KCNH8: variants seen among roughly 807,000 people sequenced by gnomAD.
The protein encoded by KCNH8 is voltage-gated delayed rectifier potassium channel KCNH8.
A neutral mutation model predicts 103.6 loss-of-function variants in KCNH8; 70 were observed. That is an observed-to-expected ratio of 0.68 (90% CI 0.56 to 0.82). The LOEUF (loss-of-function observed/expected upper bound fraction) is 0.82. Ranked by LOEUF, KCNH8 falls within the 40% of genes least tolerant of loss-of-function variation. The probability of loss-of-function intolerance (pLI) is 0.00; values close to 1 mark genes in which losing one functional copy is unlikely to be tolerated. For missense variants in KCNH8, 1,217 were observed against 1,329.9 expected, an observed-to-expected ratio of 0.92 and a Z score of 1.32; for synonymous variants, 498 against 489.4, an observed-to-expected ratio of 1.02 and a Z score of -0.23.
intron 1 of KCNH8, among the ~76,000 whole-genome samples, chr3:19,242,945 T>C (rs1231147232): frequency 6.6e-6 from 1 of 152,166 alleles, no homozygotes; most frequent in African/African-American, 2.4e-5. Flanking sequence ...CCTCTAGCCA[T>C]CCTCCACTGA....
chr3:19,511,670 T>C (rs1359438095), intron 12 of KCNH8, among the ~76,000 whole-genome samples: 1 of 152,066 alleles, frequency 6.6e-6, no homozygotes, highest in African/African-American at 2.4e-5. Context: ...AGTAACATCA[T>C]GACTATCCCA....
intron 3 of KCNH8, among the ~76,000 whole-genome samples, chr3:19,304,138 C>T (rs1419713536): frequency 6.6e-6 from 1 of 152,150 alleles, no homozygotes; most frequent in African/African-American, 2.4e-5. Flanking sequence ...AGTCTATACC[C>T]TTTCAATAAG....
intron 7 of KCNH8, among the ~76,000 whole-genome samples, chr3:19,396,571 C>T (rs1039285775): frequency 1.3e-5 from 2 of 151,764 alleles, no homozygotes; most frequent in African/African-American, 4.8e-5. Flanking sequence ...TGTGGGTCCT[C>T]AATTCTAGGA....
At chr3:19,163,733 G>A (rs961879433) in intron 1 of KCNH8, among the ~76,000 whole-genome samples, 2 of 152,064 alleles carry the variant, frequency 1.3e-5, no homozygotes, top group Non-Finnish European at 2.9e-5. Flanking sequence ...CCTCCCATGA[G>A]ACAACAAGAC....
At chr3:19,393,163 T>C (rs1324271268) in intron 6 of KCNH8, among the ~76,000 whole-genome samples, 1 of 151,956 alleles carries the variant, frequency 6.6e-6, no homozygotes, top group East Asian at 1.9e-4. Context: ...CAGTGACAGA[T>C]TTGAAACAGC....
chr3:19,308,266 G>A (rs1203064833), intron 3 of KCNH8, among the ~76,000 whole-genome samples: 1 of 146,978 alleles, frequency 6.8e-6, no homozygotes, highest in South Asian at 2.1e-4. Flanking sequence ...CATAAAACAG[G>A]GAACAGGGAA....
intron 2 of KCNH8, among the ~76,000 whole-genome samples, chr3:19,263,119 T>A (rs1212322457): frequency 6.6e-6 from 1 of 152,040 alleles, no homozygotes; most frequent in African/African-American, 2.4e-5. Context: ...CTTAGATTCT[T>A]ACTTCTTTGG....
chr3:19,337,037 A>G (rs1014132436), intron 3 of KCNH8, among the ~76,000 whole-genome samples: 4 of 152,060 alleles, frequency 2.6e-5, no homozygotes, highest in African/African-American at 9.7e-5. Context: ...ACCCAACATG[A>G]TAACACAGAT....
intron 1 of KCNH8, among the ~76,000 whole-genome samples, chr3:19,245,603 A>G (rs138823237): frequency 8.1e-4 from 123 of 152,130 alleles, no homozygotes; most frequent in Non-Finnish European, 1.2e-4. Flanking sequence ...TTTTACATTT[A>G]TTTATATCAT....
At chr3:19,500,527 G>T (rs549400395) in intron 11 of KCNH8, among the ~76,000 whole-genome samples, 1 of 152,096 alleles carries the variant, frequency 6.6e-6, no homozygotes, top group Non-Finnish European at 1.5e-5. Flanking sequence ...CCACGTACTT[G>T]GAAGTAAAGC....
At chr3:19,206,382 C>G (rs1014170636) in intron 1 of KCNH8, among the ~76,000 whole-genome samples, 4 of 151,396 alleles carry the variant, frequency 2.6e-5, no homozygotes, top group African/African-American at 9.7e-5. Context: ...AAGTATCTGG[C>G]CTGCAAAAGC....
At chr3:19,302,657 A>G (rs1485387500) in intron 3 of KCNH8, among the ~76,000 whole-genome samples, 2 of 152,174 alleles carry the variant, frequency 1.3e-5, no homozygotes, top group South Asian at 2.1e-4. Flanking sequence ...GCCATTAGAA[A>G]GCCATCTAAT....
chr3:19,288,184 T>C (rs940104972), intron 3 of KCNH8, among the ~76,000 whole-genome samples: 2 of 134,492 alleles, frequency 1.5e-5, no homozygotes, highest in Admixed American at 7.2e-5. Context: ...CAAACTTCTT[T>C]TTTTTTTTTT....
At chr3:19,363,576 C>G (rs1489764590) in intron 5 of KCNH8, among the ~76,000 whole-genome samples, 2 of 152,112 alleles carry the variant, frequency 1.3e-5, no homozygotes, top group Admixed American at 6.6e-5. Context: ...AAACTTTTCT[C>G]CAAATCTCCT....
chr3:19,177,651 G>C (rs1041371466), intron 1 of KCNH8, among the ~76,000 whole-genome samples: 2 of 151,948 alleles, frequency 1.3e-5, no homozygotes, highest in South Asian at 2.1e-4. Context: ...CAGAGACAGA[G>C]AGTGAGAAAG....
intron 11 of KCNH8, among the ~76,000 whole-genome samples, chr3:19,493,815 C>T (rs1484842096): frequency 6.6e-6 from 1 of 152,048 alleles, no homozygotes; most frequent in Non-Finnish European, 1.5e-5. Flanking sequence ...TTACAAATTA[C>T]ATTAGTACAT....
At chr3:19,214,251 A>G (rs951902185) in intron 1 of KCNH8, among the ~76,000 whole-genome samples, 1 of 152,240 alleles carries the variant, frequency 6.6e-6, no homozygotes, top group African/African-American at 2.4e-5. Context: ...CACTTTTATC[A>G]GAGTTAATAA....
chr3:19,286,495 C>T (rs941101013), intron 3 of KCNH8, among the ~76,000 whole-genome samples: 10 of 152,168 alleles, frequency 6.6e-5, no homozygotes, highest in Non-Finnish European at 8.8e-5. Flanking sequence ...GAATCTCTAA[C>T]CACCAGAACT....
At chr3:19,374,848 T>C (rs1471351913) in intron 5 of KCNH8, among the ~76,000 whole-genome samples, 1 of 152,198 alleles carries the variant, frequency 6.6e-6, no homozygotes, top group Non-Finnish European at 1.5e-5. Flanking sequence ...GTATTTTATT[T>C]CTCCCTTCAC....
Sources: gnomAD v4.1 joint callset for allele counts (sites outside exome capture counted in the v4.1 genomes callset) on GRCh38, gnomAD v4.1.1 for gene constraint, MANE v1.5 for transcripts, NCBI Gene and HGNC (gene_info 2026-07-23, HGNC 2026-07-21) for gene names.